Variants in DHX8 observed in about 807,000 individuals in gnomAD.
The protein encoded by DHX8 is DEAH-box helicase 8.
Under a neutral mutation model 140.7 loss-of-function variants are expected in DHX8, and 67 were observed. The ratio of observed to expected loss-of-function variants is 0.48; its 90% CI spans 0.39 to 0.58. DHX8 has a LOEUF of 0.58. Ranked by LOEUF, DHX8 falls within the 20% of genes least tolerant of loss-of-function variation. The pLI is 0.00. For missense variants in DHX8, 887 were observed against 1,550.7 expected (o/e 0.57, Z 7.19); for synonymous variants, 533 against 553.2 (o/e 0.96, Z 0.51).
chr17:43,487,295 T>G (rs1450050986), intron 1 of DHX8, among the ~76,000 whole-genome samples: 3 of 152,242 alleles, frequency 2.0e-5, no homozygotes, highest in African/African-American at 7.2e-5. Flanking sequence ...GGCTTTCACT[T>G]TATCAGAAAG....
chr17:43,536,361 A>G, intron 2 of DHX8: 10 of 1,398,962 alleles, frequency 7.1e-6, no homozygotes, highest in Non-Finnish European at 8.1e-6. Context: ...GTGATTCTCT[A>G]TCCTATGACT....
intron 3 of DHX8, among the ~76,000 whole-genome samples, chr17:43,543,178 C>T (rs1236093055): frequency 1.3e-5 from 2 of 151,852 alleles, no homozygotes; most frequent in Non-Finnish European, 2.9e-5. Flanking sequence ...GAGATCCCAG[C>T]GCCCACCCCC....
chr17:43,493,304 T>C (rs1968647413), intron 6 of DHX8, 141 bp from the exon 7 acceptor site: 5 of 1,227,422 alleles, frequency 4.1e-6, no homozygotes, highest in Non-Finnish European at 5.6e-6. Flanking sequence ...GTGTTAATAC[T>C]ATTTTATTGT....
intron 16 of DHX8, among the ~76,000 whole-genome samples, chr17:43,509,921 G>A (rs913516382): frequency 2.6e-5 from 4 of 152,078 alleles, no homozygotes; most frequent in Non-Finnish European, 4.4e-5. Flanking sequence ...TGCCGGTCTC[G>A]GCCTCCCAAA....
At chr17:43,513,002 C>T (rs1969929567) in intron 16 of DHX8, among the ~76,000 whole-genome samples, 1 of 152,032 alleles carries the variant, frequency 6.6e-6, no homozygotes, top group Admixed American at 6.6e-5. Context: ...ACATGTGATG[C>T]CAGGAAATCT....
rs1444719148 is a variant in DHX8 at position 43,484,024 on chromosome 17, G to A, written c.-14G>A. 1 of 1,614,006 alleles carries A rather than the reference G, an allele frequency of 6.2e-7. No homozygotes were observed. Among genetic ancestry groups the A allele is most frequent in the South Asian group, 1.1e-5 (1 of 91,058 alleles). On this transcript the variant is annotated 5_prime_UTR_variant, in exon 1 of 23. Transcript: ENST00000262415. ...GCCGGCTGTGAGGAAGGAGGTTCTG[G>A]GCAAGCTATAGCCATGGCTGTGGCT...
intron 1 of DHX8, among the ~76,000 whole-genome samples, chr17:43,485,922 T>G (rs1266735983): frequency 1.3e-5 from 2 of 152,064 alleles, no homozygotes; most frequent in East Asian, 3.9e-4. Flanking sequence ...ATTGGCTGGG[T>G]TTGGTGGCTC....
intron 11 of DHX8, among the ~76,000 whole-genome samples, chr17:43,500,826 G>A (rs180860866): frequency 2.1e-4 from 32 of 152,110 alleles, no homozygotes; most frequent in South Asian, 1.7e-3. Context: ...CAGGGGAATC[G>A]CTTGAACCCT....
intron 18 of DHX8, chr17:43,517,543 A>G (rs1970173345): frequency 5.6e-6 from 3 of 535,254 alleles, no homozygotes; most frequent in Non-Finnish European, 9.8e-6. Flanking sequence ...TACCATAACA[A>G]CCAGCAGGAT....
chr17:43,494,000 G>A (rs1162901668), intron 8 of DHX8, 114 bp downstream of exon 8: 1 of 973,212 alleles, frequency 1.0e-6, no homozygotes, highest in Non-Finnish European at 1.5e-6. Context: ...GTATTAGTCT[G>A]TTTTCACACT....
At chr17:43,511,844 A>G (rs1390399383) in intron 16 of DHX8, among the ~76,000 whole-genome samples, 1 of 123,148 alleles carries the variant, frequency 8.1e-6, no homozygotes, top group Non-Finnish European at 1.7e-5. Flanking sequence ...TGAGACCCCT[A>G]TCTCTACAAA....
chr17:43,486,105 C>T (rs1048140664), intron 1 of DHX8, among the ~76,000 whole-genome samples: 28 of 150,738 alleles, frequency 1.9e-4, no homozygotes, highest in Non-Finnish European at 3.7e-4. Flanking sequence ...GCAGGAGAAT[C>T]GCTTGAACTC....
rs940724183 is a variant in DHX8, at chr17:43,525,055, A to G, written c.*1208A>G. 1.1e-5 allele frequency: 11 copies of G among 985,134 alleles called. No individual in the cohort carries two copies. Among genetic ancestry groups the G allele is most frequent in the Non-Finnish European group, 1.3e-5 (11 of 829,914 alleles). The allele number at this position is 985,134 out of a possible 1,614,324, so 61.0% of individuals were successfully genotyped here. On this transcript the variant is annotated 3_prime_UTR_variant, in exon 23 of 23. Coordinates refer to ENST00000262415, the MANE Select transcript of DHX8 (RefSeq NM_004941.3). The stretch of plus-strand genomic sequence containing the variant: ...GCAATCCTCCTGCCTCTGCCTCCCA[A>G]AGCGCTGGGATTACAGTTGAGAGCC...
rs778771101 is a variant in DHX8 at position 43,520,106 on chromosome 17, A to G, written c.2800-24A>G. 5.0e-6 allele frequency: 8 copies of G among 1,613,698 alleles called. No individual in the cohort carries two copies. The African/African-American group carries it at 5.3e-5, about 11-fold the overall frequency. On this transcript the variant is annotated intron_variant, in intron 18 of 22. Coordinates refer to ENST00000262415, the MANE Select transcript of DHX8 (RefSeq NM_004941.3). Reference sequence around the variant, plus strand: ...CTGGCTAGACTGACCCTCTTATCACATGCCTTCTTCCTTTCTGTTCTAGGC... The same window carrying G: ...CTGGCTAGACTGACCCTCTTATCACGTGCCTTCTTCCTTTCTGTTCTAGGC...
downstream of DHX8, chr17:43,526,037 G>A (rs1253830438): frequency 4.1e-6 from 4 of 985,368 alleles, no homozygotes; most frequent in African/African-American, 5.2e-5. Flanking sequence ...CTAGAGCTGA[G>A]GTCACTTCTC....
In DHX8 at chr17:43,524,304, T is replaced by C; in HGVS notation, c.*457T>C. The C allele has an allele frequency of 1.0e-6, 1 of 1,004,298 alleles. No homozygotes were observed. Among genetic ancestry groups the C allele is most frequent in the South Asian group, 4.3e-5 (1 of 23,264 alleles). 62.2% of individuals were successfully genotyped at this position (1,004,298 alleles called of 1,614,324 possible). A position where few individuals can be genotyped will look rare whatever the true frequency, so the allele number is the denominator to read the frequency against. On this transcript the variant is annotated 3_prime_UTR_variant, in exon 23 of 23. Transcript: ENST00000262415. ...GCTTGACCTCGTGGAAATATTTATT[T>C]TCTTAAGGAAACAAAAATGGTTTTC...
chr17:43,543,276 A>ACTCTCTCTCTCTCTCTCTCT (rs60214474), intron 3 of DHX8, among the ~76,000 whole-genome samples: 6 of 138,258 alleles, frequency 4.3e-5, no homozygotes, highest in African/African-American at 1.6e-4. Flanking sequence ...ACACACACAC[A>ACTCTCTCTCTCTCTCTCTCT]CTCTCTCTCT....
At chr17:43,536,079 C>A (rs2030464030) in intron 2 of DHX8, among the ~76,000 whole-genome samples, 1 of 152,166 alleles carries the variant, frequency 6.6e-6, no homozygotes, top group African/African-American at 2.4e-5. Flanking sequence ...CCACTGCACT[C>A]CAGCCTGGGT....
intron 16 of DHX8, among the ~76,000 whole-genome samples, chr17:43,510,669 A>C (rs375666633): frequency 2.6e-5 from 4 of 152,318 alleles, no homozygotes; most frequent in Admixed American, 6.5e-5. Flanking sequence ...GAACCAGCAG[A>C]TACAGAGGGC....
Sources: gnomAD v4.1 joint callset for allele counts (sites outside exome capture counted in the v4.1 genomes callset) on GRCh38, gnomAD v4.1.1 for gene constraint, MANE v1.5 for transcripts, NCBI Gene and HGNC (gene_info 2026-07-23, HGNC 2026-07-21) for gene names.